Variants in NR3C1 observed in about 807,000 individuals in gnomAD.
NR3C1 encodes nuclear receptor subfamily 3 group C member 1.
In NR3C1, 14 loss-of-function variants were observed where a neutral mutation model predicts 74.0. That is an observed-to-expected ratio of 0.19 (90% CI 0.12 to 0.30). The LOEUF (loss-of-function observed/expected upper bound fraction) is 0.30. Ranked by LOEUF, NR3C1 falls within the 10% of genes least tolerant of loss-of-function variation. NR3C1 has a pLI of 1.00. For missense variants in NR3C1, 695 were observed against 909.8 expected, an observed-to-expected ratio of 0.76 and a Z score of 3.04; for synonymous variants, 308 against 332.5, an observed-to-expected ratio of 0.93 and a Z score of 0.80.
Position 143,298,820 on chromosome 5 carries a change from A to T in NR3C1, c.1748-8T>A. The stretch of plus-strand genomic sequence containing the variant: ...GGTGTAAGTTCCTGAAACCTGAATT[A>T]AGAGAAATAAAGGTATGAGGCAACA... On this transcript the variant is annotated splice_region_variant and splice_polypyrimidine_tract_variant and intron_variant, in intron 5 of 8. Coordinates refer to ENST00000394464, the MANE Select transcript of NR3C1 (RefSeq NM_000176.3). 6.2e-7 allele frequency: 1 copy of T among 1,611,846 alleles called. No individual in the cohort carries two copies.
chr5:143,314,049 A>C lies in NR3C1; in HGVS notation c.1304T>G (p.Val435Gly). The C allele has an allele frequency of 6.2e-7, 1 of 1,613,694 alleles. No individual in the cohort carries two copies. The highest frequency in any genetic ancestry group is 8.5e-7 in the Non-Finnish European group (1 of 1,179,702). ...SDEASGCHYGVLTCGSCKVFF... is the reference protein window; with the variant it reads ...SDEASGCHYGGLTCGSCKVFF... ...AACTTTACAGCTTCCACAAGTTAAG[A>C]CTCCATAATGACATCCTGAAGCTTC... Residue 435 changes from valine (V) to glycine (G), a missense_variant, in exon 3 of 9, where the codon GTC (valine) becomes GGC (glycine). Around this residue, in one of 4 missense-constraint regions of NR3C1, gnomAD observed 23 missense variants for 83.1 expected, o/e 0.28. Transcript: ENST00000394464.
rs1042454840 is a variant in NR3C1 at position 143,313,933 on chromosome 5, A to G, written c.1351+69T>C. 9 of 1,556,426 alleles carry G rather than the reference A, an allele frequency of 5.8e-6. No homozygotes were observed. The Admixed American group carries it at 1.2e-4, about 20-fold the overall frequency. ...TTCATGGGCTTTGCATATAATGGAA[A>G]TTTCAAAATCCACCCTGAGAAATGA... On this transcript the variant is annotated intron_variant, in intron 3 of 8. Coordinates refer to ENST00000394464, the MANE Select transcript of NR3C1 (RefSeq NM_000176.3).
chr5:143,428,473 T>G lies in NR3C1; in HGVS notation c.-14+6059A>C, dbSNP rs76604197. Among the ~76,000 whole-genome samples the G allele has an allele frequency of 6.9e-3, 1,058 of 152,324 alleles. 9 individuals carry two copies. The highest frequency in any genetic ancestry group is 0.024 in the African/African-American group (1,013 of 41,566). On this transcript the variant is annotated intron_variant, in intron 1 of 8. Transcript: ENST00000343796. ...AACTTTGTGCTAGAGTTCCACAAGGTCTTTCCTCCCTGACTCCTTCTGCCT... is the reference window on the plus strand; with the variant it reads ...AACTTTGTGCTAGAGTTCCACAAGGGCTTTCCTCCCTGACTCCTTCTGCCT...
chr5:143,335,206 T>C (rs560548310), intron 2 of NR3C1, among the ~76,000 whole-genome samples: 1 of 152,306 alleles, frequency 6.6e-6, no homozygotes, highest in African/African-American at 2.4e-5. Context: ...CTTCCAGTTG[T>C]AGGCTGGCCC....
At chr5:143,305,273 T>C (rs1599799627) in intron 4 of NR3C1, among the ~76,000 whole-genome samples, 3 of 152,104 alleles carry the variant, frequency 2.0e-5, no homozygotes, top group East Asian at 1.9e-4. Flanking sequence ...AAAATGCTGA[T>C]TGTTAATCAT....
chr5:143,298,795 G>A lies in NR3C1; in HGVS notation c.1765C>T (p.Leu589=). Reference sequence around the variant, plus strand: ...TGCAGTAGGGTCATTTGGTCATCCAGGTGTAAGTTCCTGAAACCTGAATTA... The same window carrying A: ...TGCAGTAGGGTCATTTGGTCATCCAAGTGTAAGTTCCTGAAACCTGAATTA... ...KAIPGFRNLH[L]DDQMTLLQYS... The change falls in exon 6 of 9, where the codon CTG becomes TTG. Residue 589 remains leucine (L), a synonymous_variant. Transcript: ENST00000394464. 1 of 1,613,448 alleles carries A rather than the reference G, an allele frequency of 6.2e-7. No homozygotes were observed. The highest frequency in any genetic ancestry group is 1.7e-4 in the Middle Eastern group (1 of 6,060).
intron 2 of NR3C1, among the ~76,000 whole-genome samples, chr5:143,342,590 T>C (rs1282041208): frequency 7.2e-5 from 11 of 152,196 alleles, no homozygotes; most frequent in Admixed American, 2.0e-4. Flanking sequence ...TATGAGAATA[T>C]GTTTCCAAAA....
At chr5:143,311,823 G>T (rs1821040243) in intron 3 of NR3C1, among the ~76,000 whole-genome samples, 1 of 147,396 alleles carries the variant, frequency 6.8e-6, no homozygotes, top group Non-Finnish European at 1.5e-5. Flanking sequence ...TAGAGACGGG[G>T]TCTCGTTATG....
intron 1 of NR3C1, among the ~76,000 whole-genome samples, chr5:143,427,954 C>T (rs1233528959): frequency 1.3e-5 from 2 of 152,196 alleles, no homozygotes; most frequent in South Asian, 2.1e-4. Context: ...TAAATGCTAA[C>T]CATTATGGTC....
intron 7 of NR3C1, chr5:143,294,162 A>ATATG: frequency 1.0e-6 from 1 of 985,018 alleles, no homozygotes; most frequent in Non-Finnish European, 1.2e-6. Context: ...GTTTAAATAG[A>ATATG]TATGAAATGA....
chr5:143,345,695 C>G (rs1312842350), intron 2 of NR3C1, among the ~76,000 whole-genome samples: 1 of 152,108 alleles, frequency 6.6e-6, no homozygotes, highest in Non-Finnish European at 1.5e-5. Flanking sequence ...TTTCATCCAC[C>G]ATCACTATGA....
Position 143,328,923 on chromosome 5 carries a change from A to G in NR3C1, c.1185-14755T>C, listed in dbSNP as rs1342057088. ...TCTCTAGGACGTTCCAAACTTTCCT[A>G]TATCTTCCAGTTTTCTTCTGAGCCC... On this transcript the variant is annotated intron_variant, in intron 2 of 8. Transcript: ENST00000394464. Among the ~76,000 whole-genome samples the G allele has an allele frequency of 3.3e-5, 5 of 152,152 alleles. No homozygotes were observed. In the South Asian group the frequency reaches 6.2e-4, roughly 19 times the overall value.
chr5:143,397,108 T>C (rs931078466), intron 2 of NR3C1, among the ~76,000 whole-genome samples: 3 of 151,878 alleles, frequency 2.0e-5, no homozygotes, highest in Non-Finnish European at 3.0e-5. Flanking sequence ...TTTTATGTGA[T>C]AATTCAATGT....
intron 1 of NR3C1, among the ~76,000 whole-genome samples, chr5:143,433,323 T>C (rs1751927127): frequency 9.5e-6 from 1 of 105,276 alleles, no homozygotes; most frequent in Admixed American, 1.0e-4. Context: ...ACAGCAAGGA[T>C]ACTGAGGACT....
chr5:143,340,891 C>T lies in NR3C1; in HGVS notation c.1185-26723G>A, dbSNP rs371648755. Among the ~76,000 whole-genome samples, 14 of 152,180 alleles carry T rather than the reference C, an allele frequency of 9.2e-5. No homozygotes were observed. The East Asian group carries it at 1.2e-3, about 13-fold the overall frequency. ...TCGTTAAATAGGTAAACACATGTCA[C>T]GGGGGCTTGTTGTACATATTATTTC... is the stretch of plus-strand genomic sequence containing the variant. On this transcript the variant is annotated intron_variant, in intron 2 of 8. Transcript: ENST00000394464.
intron 3 of NR3C1, among the ~76,000 whole-genome samples, chr5:143,312,372 C>G (rs1017095694): frequency 1.3e-5 from 2 of 152,058 alleles, no homozygotes; most frequent in Non-Finnish European, 2.9e-5. Context: ...TCTCTTGGAT[C>G]ATTTGTTATG....
intron 2 of NR3C1, among the ~76,000 whole-genome samples, chr5:143,316,223 G>A (rs1345202097): frequency 6.6e-6 from 1 of 152,138 alleles, no homozygotes; most frequent in Non-Finnish European, 1.5e-5. Flanking sequence ...ACAGTGAATG[G>A]TGCGACAATG....
At chr5:143,358,513 A>G (rs1340674111) in intron 2 of NR3C1, among the ~76,000 whole-genome samples, 1 of 152,224 alleles carries the variant, frequency 6.6e-6, no homozygotes, top group Non-Finnish European at 1.5e-5. Context: ...TTCCAAACAT[A>G]AGAGCCTCCT....
chr5:143,382,714 G>A (rs946590544), intron 2 of NR3C1, among the ~76,000 whole-genome samples: 4 of 152,184 alleles, frequency 2.6e-5, no homozygotes, highest in Non-Finnish European at 4.4e-5. Context: ...TATGAAGTGA[G>A]ATCTGGATAT....
Sources: allele counts gnomAD v4.1 joint callset (sites outside exome capture counted in the v4.1 genomes callset), GRCh38; gene constraint gnomAD v4.1.1; regional missense constraint gnomAD v4.1.1; transcripts MANE v1.5; gene names NCBI Gene and HGNC (gene_info 2026-07-23, HGNC 2026-07-21).